The following COL21A1 variants were observed in gnomAD, a reference collection of about 807,000 sequenced individuals.
COL21A1 encodes collagen alpha-1(XXI) chain.
Under a neutral mutation model 137.9 loss-of-function variants are expected in COL21A1, and 149 were observed. The ratio of observed to expected loss-of-function variants is 1.08; its 90% CI spans 0.95 to 1.24. COL21A1 has a LOEUF of 1.24. Among genes scored for constraint, COL21A1 ranks in the 50% most tolerant of loss-of-function variants. The pLI is 0.00. For missense variants in COL21A1, 1,167 were observed against 1,158.4 expected (o/e 1.01, Z -0.11); for synonymous variants, 456 against 391.5 (o/e 1.16, Z -1.95).
At chr6:56,300,282 A>T (rs2152337185) in intron 1 of COL21A1, among the ~76,000 whole-genome samples, 1 of 152,218 alleles carries the variant, frequency 6.6e-6, no homozygotes, top group Admixed American at 6.5e-5. Context: ...TAAGGAGTGG[A>T]GAGTGGAATT....
intron 1 of COL21A1, among the ~76,000 whole-genome samples, chr6:56,194,557 A>G (rs1022539): frequency 0.63 from 95,148 of 151,946 alleles, 30,118 homozygotes; most frequent in East Asian, 0.86. Flanking sequence ...GTATGGGGCA[A>G]TGCAAAATGG....
chr6:56,067,567 C>T (rs894155169), intron 22 of COL21A1, among the ~76,000 whole-genome samples: 3 of 151,610 alleles, frequency 2.0e-5, no homozygotes, highest in African/African-American at 7.3e-5. Context: ...GAAATTTCAC[C>T]ACAATCTTTA....
chr6:56,354,837 G>A (rs1238592800), intron 1 of COL21A1, among the ~76,000 whole-genome samples: 3 of 152,204 alleles, frequency 2.0e-5, no homozygotes, highest in African/African-American at 7.2e-5. Flanking sequence ...CAACCTGGGT[G>A]ATGGAGTGAG....
At chr6:56,284,280 C>T (rs1054306483) in intron 1 of COL21A1, among the ~76,000 whole-genome samples, 2 of 152,160 alleles carry the variant, frequency 1.3e-5, no homozygotes, top group Non-Finnish European at 1.5e-5. Flanking sequence ...TCTCTAACGT[C>T]TGAGCTCAAG....
intron 1 of COL21A1, among the ~76,000 whole-genome samples, chr6:56,286,671 G>T (rs1763921160): frequency 6.9e-6 from 1 of 144,888 alleles, no homozygotes; most frequent in Admixed American, 6.9e-5. Flanking sequence ...AATTATTTTT[G>T]TCTTACTTAC....
chr6:56,200,358 G>A (rs1779300949), intron 1 of COL21A1, among the ~76,000 whole-genome samples: 1 of 152,038 alleles, frequency 6.6e-6, no homozygotes, highest in Non-Finnish European at 1.5e-5. Context: ...ACAACGTGCA[G>A]GTTGGTTACA....
chr6:56,148,538 C>T (rs1775032055), intron 10 of COL21A1, among the ~76,000 whole-genome samples: 2 of 152,154 alleles, frequency 1.3e-5, no homozygotes, highest in Admixed American at 1.3e-4. Flanking sequence ...GGCCTTTAAT[C>T]AGCTGTATCC....
intron 17 of COL21A1, among the ~76,000 whole-genome samples, chr6:56,097,912 TATATATAAATATATAAATATATAA>T (rs1322799939): frequency 2.7e-5 from 1 of 37,178 alleles, no homozygotes; most frequent in Non-Finnish European, 5.7e-5. Flanking sequence ...AATATATAAA[TATATATAAATATATAAATATATAA>T]AAATATATAT....
intron 1 of COL21A1, among the ~76,000 whole-genome samples, chr6:56,199,896 G>T (rs2152296871): frequency 6.6e-6 from 1 of 152,258 alleles, no homozygotes; most frequent in African/African-American, 2.4e-5. Context: ...CATGCAGTTT[G>T]TGCCAGAGAC....
intron 3 of COL21A1, among the ~76,000 whole-genome samples, chr6:56,172,201 C>G (rs920039555): frequency 5.9e-5 from 9 of 151,918 alleles, no homozygotes; most frequent in African/African-American, 2.2e-4. Context: ...AAGTTAAACC[C>G]AAAGAAATCC....
intron 1 of COL21A1, among the ~76,000 whole-genome samples, chr6:56,193,711 C>T (rs950952529): frequency 2.0e-5 from 3 of 151,982 alleles, no homozygotes; most frequent in African/African-American, 4.8e-5. Flanking sequence ...CCAAATTAGG[C>T]CCACCCCTCT....
chr6:56,195,272 C>T (rs1778945495), intron 1 of COL21A1, among the ~76,000 whole-genome samples: 2 of 152,174 alleles, frequency 1.3e-5, no homozygotes, highest in African/African-American at 4.8e-5. Context: ...GCTGATTCTG[C>T]TGGTCCATAG....
intron 1 of COL21A1, among the ~76,000 whole-genome samples, chr6:56,368,895 C>T (rs575219445): frequency 3.3e-5 from 5 of 152,224 alleles, no homozygotes; most frequent in African/African-American, 1.2e-4. Context: ...TTAACTGTGA[C>T]TATTTCAGTA....
At chr6:56,389,406 TA>T (rs796964814) in intron 1 of COL21A1, among the ~76,000 whole-genome samples, 475 of 135,278 alleles carry the variant, frequency 3.5e-3, no homozygotes, top group Admixed American at 4.2e-3. Flanking sequence ...GAGAAAAAAT[TA>T]AAAAAAAAAA....
chr6:56,292,835 T>C (rs920471657), intron 1 of COL21A1, among the ~76,000 whole-genome samples: 2 of 152,236 alleles, frequency 1.3e-5, no homozygotes, highest in Admixed American at 6.5e-5. Flanking sequence ...TTGTAAAGTC[T>C]AGTATTTTGA....
intron 3 of COL21A1, among the ~76,000 whole-genome samples, chr6:56,171,881 T>A (rs1415958222): frequency 6.6e-6 from 1 of 151,200 alleles, no homozygotes; most frequent in African/African-American, 2.4e-5. Context: ...ACTGAAAAAA[T>A]TTACTAAAGA....
chr6:56,326,833 G>A (rs1765105547), intron 1 of COL21A1, among the ~76,000 whole-genome samples: 1 of 152,004 alleles, frequency 6.6e-6, no homozygotes, highest in African/African-American at 2.4e-5. Flanking sequence ...TAGGAACAAT[G>A]GTGGGCAACA....
intron 1 of COL21A1, among the ~76,000 whole-genome samples, chr6:56,232,324 G>A (rs1781619952): frequency 6.6e-6 from 1 of 151,830 alleles, no homozygotes; most frequent in Non-Finnish European, 1.5e-5. Flanking sequence ...AATATGCAAT[G>A]TTTAAAAAGA....
At chr6:56,370,560 CTT>C (rs369236047) in intron 1 of COL21A1, among the ~76,000 whole-genome samples, 18 of 152,216 alleles carry the variant, frequency 1.2e-4, no homozygotes, top group African/African-American at 4.3e-4. Context: ...TTACTTGGAC[CTT>C]TTCAAAATAA....
Sources: gnomAD v4.1 joint callset for allele counts (sites outside exome capture counted in the v4.1 genomes callset) on GRCh38, gnomAD v4.1.1 for gene constraint, MANE v1.5 for transcripts, NCBI Gene and HGNC (gene_info 2026-07-23, HGNC 2026-07-21) for gene names.